LGALS9: variants seen among roughly 807,000 people sequenced by gnomAD.
The protein encoded by LGALS9 is galectin-9.
LGALS9 carries 26 observed loss-of-function variants against 35.9 expected under a neutral mutation model. The observed-to-expected ratio is 0.72, with a 90% CI of 0.53 to 1.01. The LOEUF (loss-of-function observed/expected upper bound fraction) is 1.01. LGALS9 is among the 50% of genes least tolerant of loss of function. The pLI is 0.00. For missense variants in LGALS9, 347 were observed against 445.8 expected (o/e 0.78, Z 1.99); for synonymous variants, 149 against 172.2 (o/e 0.87, Z 1.06).
chr17:27,648,946 G>A lies in LGALS9; in HGVS notation c.1032G>A (p.Val344=), dbSNP rs138666349. 80 of 1,613,960 alleles carry A rather than the reference G, an allele frequency of 5.0e-5. No homozygotes were observed. The African/African-American group carries it at 9.1e-4, about 18-fold the overall frequency. Reference sequence around the variant, plus strand: ...TGCCCACCATCAACAGACTGGAAGTGGGGGGCGACATCCAGCTGACCCATG... The same window carrying A: ...TGCCCACCATCAACAGACTGGAAGTAGGGGGCGACATCCAGCTGACCCATG... ...RNLPTINRLE[V]GGDIQLTHVQ... Residue 344 remains valine, a synonymous_variant, in exon 11 of 11, where the codon GTG becomes GTA. Coordinates refer to ENST00000395473, the MANE Select transcript of LGALS9 (RefSeq NM_009587.3).
At position 27,646,453 on chromosome 17, in the gene LGALS9, A is replaced by G. The variant is rs1288600579; in HGVS notation, c.628-94A>G. Reference sequence around the variant, plus strand: ...CAAAGGCTCACGAGGTCAGCCTCACAGTGGAGTCCTCTCTAGAACGCGTGG... The same window carrying G: ...CAAAGGCTCACGAGGTCAGCCTCACGGTGGAGTCCTCTCTAGAACGCGTGG... On this transcript the variant is annotated intron_variant, in intron 7 of 10. Coordinates refer to ENST00000395473, the MANE Select transcript of LGALS9 (RefSeq NM_009587.3). The G allele has an allele frequency of 3.8e-6, 6 of 1,586,482 alleles. No homozygotes were observed. In the African/African-American group the frequency reaches 4.0e-5, roughly 11 times the overall value.
chr17:27,648,025 C>T (rs1905071768), intron 10 of LGALS9, among the ~76,000 whole-genome samples: 2 of 152,258 alleles, frequency 1.3e-5, no homozygotes, highest in South Asian at 4.1e-4. Flanking sequence ...TCCACCCTGA[C>T]TACATATTCA....
At chr17:27,642,441 C>A (rs916749350) in intron 4 of LGALS9, 93 bp downstream of exon 4, 7 of 1,566,946 alleles carry the variant, frequency 4.5e-6, no homozygotes, top group South Asian at 1.2e-5. Context: ...CCAAGCCAAT[C>A]TCCTACCCAG....
Position 27,645,026 on chromosome 17 carries a change from C to G in LGALS9, c.541-288C>G, listed in dbSNP as rs2304890. On this transcript the variant is annotated intron_variant, in intron 5 of 10. Transcript: ENST00000395473. ...ATATGGCACTGGAAGTAATGCTCTT[C>G]GCTGTGGGAGCTACAGAAAGCAATG... The G allele has an allele frequency of 1.2e-3, 609 of 511,954 alleles. 2 individuals carry two copies. The highest frequency in any genetic ancestry group is 2.0e-3 in the African/African-American group (104 of 50,932). 31.7% of individuals were successfully genotyped at this position (511,954 alleles called of 1,614,324 possible).
intron 1 of LGALS9, among the ~76,000 whole-genome samples, chr17:27,635,302 G>A (rs1293999726): frequency 6.6e-6 from 1 of 152,034 alleles, no homozygotes; most frequent in African/African-American, 2.4e-5. Context: ...GTGGGACATG[G>A]TGGCCTGCAC....
At chr17:27,643,502 C>T (rs774570962) in intron 4 of LGALS9, 23 bp from the exon 5 acceptor site, 1 of 1,611,348 alleles carries the variant, frequency 6.2e-7, no homozygotes, top group Non-Finnish European at 8.5e-7. Flanking sequence ...CTCCTCACTG[C>T]CCGGTGCCTT....
intron 8 of LGALS9, 70 bp downstream of exon 8, chr17:27,646,658 G>A (rs572151013): frequency 8.1e-5 from 131 of 1,607,490 alleles, no homozygotes; most frequent in Non-Finnish European, 1.1e-4. Flanking sequence ...GGGCCGCTGT[G>A]GGGGGATCCA....
chr17:27,643,346 C>A (rs1258316896), intron 4 of LGALS9, among the ~76,000 whole-genome samples, 179 bp from the exon 5 acceptor site: 1 of 152,196 alleles, frequency 6.6e-6, no homozygotes, highest in African/African-American at 2.4e-5. Context: ...GGAGACCGCA[C>A]CCCTGCACTG....
chr17:27,645,172 G>T (rs989333489), intron 5 of LGALS9, 142 bp from the exon 6 acceptor site: 2 of 1,569,870 alleles, frequency 1.3e-6, no homozygotes, highest in Non-Finnish European at 1.7e-6. Context: ...GCTCAGGAAG[G>T]CTTGCTTGGG....
intron 1 of LGALS9, among the ~76,000 whole-genome samples, chr17:27,633,737 GCCAGGGGCTCAGCACACGGA>G (rs1442727315): frequency 2.6e-5 from 4 of 152,250 alleles, no homozygotes; most frequent in Non-Finnish European, 5.9e-5. Context: ...TCTGACATGA[GCCAGGGGCTCAGCACACGGA>G]ATCGCACCCA....
chr17:27,643,300 C>T (rs965496407), intron 4 of LGALS9, among the ~76,000 whole-genome samples: 1 of 152,096 alleles, frequency 6.6e-6, no homozygotes, highest in African/African-American at 2.4e-5. Context: ...CCCTGACTCT[C>T]TCCCCTGCGG....
Position 27,649,136 on chromosome 17 carries a change from A to G in LGALS9, c.*154A>G, listed in dbSNP as rs1905140713. ...CTTGTCTGGTCCTGCTTCTGGCTAC[A>G]GCCACCCTGGAACGGAGAAGGCAGC... On this transcript the variant is annotated 3_prime_UTR_variant, in exon 11 of 11. Transcript: ENST00000395473. 10 of 1,249,600 alleles carry G rather than the reference A, an allele frequency of 8.0e-6. No individual in the cohort carries two copies. Among genetic ancestry groups the G allele is most frequent in the Non-Finnish European group, 1.1e-5 (10 of 896,964 alleles). 77.4% of individuals were successfully genotyped at this position (1,249,600 alleles called of 1,614,324 possible).
In LGALS9 at chr17:27,643,561, A is replaced by G. The variant is rs527374623; in HGVS notation, c.481A>G (p.Thr161Ala). 8.1e-6 allele frequency: 13 copies of G among 1,611,810 alleles called. 1 individual carries two copies. In the South Asian group the frequency reaches 1.4e-4, roughly 18 times the overall value. The change falls in exon 5 of 11, where the codon ACG (threonine) becomes GCG (alanine). Residue 161 changes from threonine (T) to alanine (A), a missense_variant. Thr to Ala is a moderately conservative substitution (Grantham distance 58, BLOSUM62 0). Transcript: ENST00000395473. ...RTVPVQPAFS[T>A]VPFSQPVCFP... The stretch of plus-strand genomic sequence containing the variant: ...AGTCCCTGTTCAGCCTGCCTTCTCC[A>G]CGGTGCCGTTCTCCCAGCCTGTCTG...
At chr17:27,632,329 A>G (rs3794195) in intron 1 of LGALS9, among the ~76,000 whole-genome samples, 32,482 of 152,114 alleles carry the variant, frequency 0.21, 3,723 homozygotes, top group Admixed American at 0.29. Flanking sequence ...GGCCCACCTC[A>G]GCAGAGGCCA....
intron 3 of LGALS9, among the ~76,000 whole-genome samples, chr17:27,641,731 T>G (rs1025502480): frequency 2.6e-5 from 4 of 152,078 alleles, no homozygotes; most frequent in African/African-American, 9.7e-5. Context: ...CTCAGCACTT[T>G]GGGAGGCTGA....
Position 27,645,894 on chromosome 17 carries a change from C to T in LGALS9, c.610C>T (p.Pro204Ser), listed in dbSNP as rs758044445. 3 of 1,595,504 alleles carry T rather than the reference C, an allele frequency of 1.9e-6. No individual in the cohort carries two copies. Among genetic ancestry groups the T allele is most frequent in the Non-Finnish European group, 2.6e-6 (3 of 1,165,628 alleles). ...AGTCATCCACACAGTGCAGAGCGCC[C>T]CTGGACAGATGTTCTCTGTAAGTCT... ...QTVIHTVQSAPGQMFSTPAIP... is the reference protein window; with the variant it reads ...QTVIHTVQSASGQMFSTPAIP... The change falls in exon 7 of 11, where the codon CCT becomes TCT. Residue 204 changes from proline (P) to serine (S), a missense_variant. By Grantham distance (74) the Pro-to-Ser change is moderately conservative (BLOSUM62 -1). Transcript: ENST00000395473.
chr17:27,636,097 C>T (rs2074448203), intron 1 of LGALS9, among the ~76,000 whole-genome samples: 1 of 149,842 alleles, frequency 6.7e-6, no homozygotes, highest in Non-Finnish European at 1.5e-5. Context: ...TCCCAGATTT[C>T]CTGGGGCTCT....
chr17:27,637,755 C>A (rs1234237159), intron 1 of LGALS9, among the ~76,000 whole-genome samples: 1 of 152,178 alleles, frequency 6.6e-6, no homozygotes, highest in Non-Finnish European at 1.5e-5. Flanking sequence ...TTAACCTCCT[C>A]GGGTGAGTCG....
At chr17:27,645,994 G>C in intron 7 of LGALS9, 83 bp downstream of exon 7, 16 of 1,600,776 alleles carry the variant, frequency 1.0e-5, no homozygotes, top group Non-Finnish European at 1.4e-5. Context: ...CCCTAGAGTC[G>C]GGAAGAAAGC....
Sources: gnomAD v4.1 joint callset for allele counts (sites outside exome capture counted in the v4.1 genomes callset) on GRCh38, gnomAD v4.1.1 for gene constraint, MANE v1.5 for transcripts, NCBI Gene and HGNC (gene_info 2026-07-23, HGNC 2026-07-21) for gene names.